The following STXBP5L variants were observed in gnomAD, a reference collection of about 807,000 sequenced individuals.
The protein encoded by STXBP5L is syntaxin-binding protein 5-like.
Under a neutral mutation model 144.5 loss-of-function variants are expected in STXBP5L, and 65 were observed. The ratio of observed to expected loss-of-function variants is 0.45; its 90% CI spans 0.37 to 0.55. STXBP5L has a LOEUF of 0.55. Among genes scored for constraint, STXBP5L ranks in the 20% least tolerant of loss-of-function variants. The probability of loss-of-function intolerance (pLI) is 0.00; values close to 1 mark genes in which losing one functional copy is unlikely to be tolerated. For synonymous variants in STXBP5L, 505 were observed against 469.6 expected (o/e 1.08, Z -0.97); for missense variants, 1,298 against 1,405.5 (o/e 0.92, Z 1.22).
intron 20 of STXBP5L, among the ~76,000 whole-genome samples, chr3:121,322,895 G>C (rs778035850): frequency 6.6e-6 from 1 of 152,132 alleles, no homozygotes; most frequent in Non-Finnish European, 1.5e-5. Flanking sequence ...ATTCTGACTG[G>C]TTTAAGATGG....
At chr3:121,066,487 A>C (rs1013227425) in intron 5 of STXBP5L, among the ~76,000 whole-genome samples, 1 of 151,730 alleles carries the variant, frequency 6.6e-6, no homozygotes, top group African/African-American at 2.4e-5. Context: ...TTCCCTTTTT[A>C]AATGTGTTAA....
intron 5 of STXBP5L, among the ~76,000 whole-genome samples, chr3:121,053,292 T>G (rs1405692121): frequency 1.3e-5 from 2 of 152,210 alleles, no homozygotes; most frequent in Non-Finnish European, 2.9e-5. Context: ...AAGTCAATCC[T>G]AAGCCAAAAG....
At chr3:121,286,496 G>A (rs1428369330) in intron 19 of STXBP5L, among the ~76,000 whole-genome samples, 1 of 151,984 alleles carries the variant, frequency 6.6e-6, no homozygotes. Context: ...AAACAATTAT[G>A]GTCTTTTCCT....
chr3:120,918,701 C>T (rs1358966726), intron 2 of STXBP5L, among the ~76,000 whole-genome samples: 1 of 152,044 alleles, frequency 6.6e-6, no homozygotes, highest in African/African-American at 2.4e-5. Flanking sequence ...CCTTAGTTGT[C>T]CCATATTGTC....
intron 19 of STXBP5L, among the ~76,000 whole-genome samples, chr3:121,288,204 G>T (rs955516285): frequency 6.6e-6 from 1 of 152,186 alleles, no homozygotes; most frequent in African/African-American, 2.4e-5. Flanking sequence ...GTTCCATGGT[G>T]TACATGTATG....
At chr3:121,121,753 A>G (rs763132707) in intron 7 of STXBP5L, 49 bp downstream of exon 7, 21 of 1,382,122 alleles carry the variant, frequency 1.5e-5, no homozygotes, top group African/African-American at 2.9e-5. Flanking sequence ...CTCATTCTTG[A>G]AAAAAGGTGT....
intron 2 of STXBP5L, among the ~76,000 whole-genome samples, chr3:120,922,062 A>AT (rs1415311992): frequency 6.6e-6 from 1 of 152,022 alleles, no homozygotes; most frequent in African/African-American, 2.4e-5. Flanking sequence ...TAGAATTGTC[A>AT]TTTTAACAAT....
chr3:121,159,664 C>G (rs1577082137), intron 9 of STXBP5L, among the ~76,000 whole-genome samples: 1 of 137,732 alleles, frequency 7.3e-6, no homozygotes, highest in Non-Finnish European at 1.5e-5. Flanking sequence ...GAGTCTCGCT[C>G]TTTCGCCCAG....
intron 3 of STXBP5L, among the ~76,000 whole-genome samples, chr3:120,993,153 T>C (rs895587466): frequency 6.6e-6 from 1 of 151,882 alleles, no homozygotes; most frequent in African/African-American, 2.4e-5. Context: ...GATTATTTAT[T>C]TGTTTGTTTG....
intron 20 of STXBP5L, among the ~76,000 whole-genome samples, chr3:121,329,875 C>A (rs1054133605): frequency 6.6e-6 from 1 of 151,540 alleles, no homozygotes; most frequent in Non-Finnish European, 1.5e-5. Flanking sequence ...ATTCCTCTTG[C>A]CGAATTAAAG....
At position 121,247,546 on chromosome 3, in the gene STXBP5L, C is replaced by G. The variant is rs537708884; in HGVS notation, c.1401-3177C>G. ...TCCATGTGTACTTAATGTTTAGCTC[C>G]CAGTTATATGTGAGAACATGTGGTA... is the stretch of plus-strand genomic sequence containing the variant. On this transcript the variant is annotated intron_variant, in intron 14 of 26. Coordinates refer to ENST00000471454, the MANE Select transcript of STXBP5L (RefSeq NM_001308330.2). 2.0e-5 allele frequency among the ~76,000 whole-genome samples: 3 copies of G among 152,214 alleles called. No homozygotes were observed. In the East Asian group the frequency reaches 5.8e-4, roughly 29 times the overall value.
Position 121,125,850 on chromosome 3 carries a change from G to A in STXBP5L, c.669+4146G>A, listed in dbSNP as rs141853221. ...CAAATGACACAATTCTGAAGAGAGG[G>A]GGTGTTAACCTCCCATGGAGAAAAC... is the stretch of plus-strand genomic sequence containing the variant. On this transcript the variant is annotated intron_variant, in intron 7 of 26. Transcript: ENST00000471454. Among the ~76,000 whole-genome samples the A allele has an allele frequency of 4.5e-3, 692 of 152,262 alleles. 4 individuals are homozygous for A. The highest frequency in any genetic ancestry group is 0.016 in the African/African-American group (660 of 41,564).
intron 5 of STXBP5L, among the ~76,000 whole-genome samples, chr3:121,093,840 TC>T (rs1275612560): frequency 6.6e-6 from 1 of 152,224 alleles, no homozygotes; most frequent in Non-Finnish European, 1.5e-5. Flanking sequence ...CTCTTTCTTT[TC>T]TAGTTCTTTT....
At chr3:121,028,441 C>T (rs943024688) in intron 3 of STXBP5L, among the ~76,000 whole-genome samples, 7 of 152,100 alleles carry the variant, frequency 4.6e-5, no homozygotes, top group African/African-American at 1.7e-4. Context: ...TGTAGGTCTT[C>T]TTTCCTCAAA....
chr3:120,974,636 T>C (rs528223614), intron 3 of STXBP5L, among the ~76,000 whole-genome samples: 1 of 152,120 alleles, frequency 6.6e-6, no homozygotes, highest in Non-Finnish European at 1.5e-5. Flanking sequence ...GTCCTGAATG[T>C]TAATGCGTAG....
chr3:121,307,353 C>T (rs2043370241), intron 19 of STXBP5L, among the ~76,000 whole-genome samples: 1 of 151,980 alleles, frequency 6.6e-6, no homozygotes, highest in South Asian at 2.1e-4. Context: ...ATTGAACAGA[C>T]CAAGACCTCA....
chr3:121,380,728 C>A (rs1420065082), intron 21 of STXBP5L, among the ~76,000 whole-genome samples: 4 of 152,018 alleles, frequency 2.6e-5, no homozygotes. Context: ...AGCCTGAAAC[C>A]AGTTCAGGGA....
intron 20 of STXBP5L, among the ~76,000 whole-genome samples, chr3:121,369,617 C>T (rs1176733200): frequency 6.6e-6 from 1 of 151,880 alleles, no homozygotes; most frequent in Non-Finnish European, 1.5e-5. Flanking sequence ...GCAGTCACTT[C>T]CTCCAGTCCT....
intron 3 of STXBP5L, among the ~76,000 whole-genome samples, chr3:120,957,425 G>T (rs1224921993): frequency 2.6e-5 from 4 of 151,876 alleles, no homozygotes; most frequent in Admixed American, 6.6e-5. Flanking sequence ...AAAATATGTT[G>T]TCTTGTTGAA....
Sources: gnomAD v4.1 joint callset for allele counts (sites outside exome capture counted in the v4.1 genomes callset) on GRCh38, gnomAD v4.1.1 for gene constraint, MANE v1.5 for transcripts, NCBI Gene and HGNC (gene_info 2026-07-23, HGNC 2026-07-21) for gene names.